Variants in ST6GALNAC5 observed in about 807,000 individuals in gnomAD.
ST6GALNAC5 encodes alpha-N-acetylgalactosaminide alpha-2,6-sialyltransferase 5.
Under a neutral mutation model 33.6 loss-of-function variants are expected in ST6GALNAC5, and 27 were observed. The observed-to-expected ratio is 0.80, with a 90% CI of 0.59 to 1.11. The LOEUF is 1.11. ST6GALNAC5 is among the 50% of genes least tolerant of loss of function. ST6GALNAC5 has a pLI of 0.00. For missense variants in ST6GALNAC5, 428 were observed against 454.0 expected (o/e 0.94, Z 0.52); for synonymous variants, 194 against 171.2 (o/e 1.13, Z -1.04).
chr1:76,968,631 A>C (rs1272106964), intron 2 of ST6GALNAC5, among the ~76,000 whole-genome samples: 1 of 152,142 alleles, frequency 6.6e-6, no homozygotes, highest in African/African-American at 2.4e-5. Context: ...TTATGATGTT[A>C]GCTGGTTATT....
chr1:76,868,238 C>T lies in ST6GALNAC5; in HGVS notation c.16-259C>T, dbSNP rs1041199338. The stretch of plus-strand genomic sequence containing the variant: ...GGCCCCGGCGCGCTCCCTCCCTCAG[C>T]CCGGGGCCGTACACCACCTGCCCTC... On this transcript the variant is annotated intron_variant, in intron 1 of 4. Coordinates refer to ENST00000477717, the MANE Select transcript of ST6GALNAC5 (RefSeq NM_030965.3). This position sits in a 1 kb window ranked among gnomAD's most constrained non-coding sequence, Gnocchi z 4.3. 3.4e-4 allele frequency among the ~76,000 whole-genome samples: 52 copies of T among 152,174 alleles called. No homozygotes were observed. Among genetic ancestry groups the T allele is most frequent in the African/African-American group, 1.2e-3 (50 of 41,550 alleles).
chr1:77,060,618 T>C (rs1652544319), intron 4 of ST6GALNAC5, among the ~76,000 whole-genome samples: 1 of 152,160 alleles, frequency 6.6e-6, no homozygotes, highest in Admixed American at 6.5e-5. Flanking sequence ...TAACTTATCT[T>C]GACACCTCTG....
At chr1:76,959,977 A>T (rs944569982) in intron 2 of ST6GALNAC5, among the ~76,000 whole-genome samples, 1 of 152,154 alleles carries the variant, frequency 6.6e-6, no homozygotes, top group Non-Finnish European at 1.5e-5. Flanking sequence ...CCTGAGCGGG[A>T]GTGGGTAGAA....
chr1:76,975,550 G>C lies in ST6GALNAC5; in HGVS notation c.262-68654G>C, dbSNP rs756780858. Among the ~76,000 whole-genome samples the C allele has an allele frequency of 1.8e-4, 27 of 152,144 alleles. 1 individual carries two copies. The highest frequency in any genetic ancestry group is 3.8e-4 in the Non-Finnish European group (26 of 68,028). On this transcript the variant is annotated intron_variant, in intron 2 of 4. Coordinates refer to ENST00000477717, the MANE Select transcript of ST6GALNAC5 (RefSeq NM_030965.3). ...GAGTTACTTTAATAGGTGGATATAT[G>C]TAAGTGGGATTAATATTGTATGTGA...
chr1:76,971,396 T>G (rs1309974097), intron 2 of ST6GALNAC5, among the ~76,000 whole-genome samples: 1 of 152,100 alleles, frequency 6.6e-6, no homozygotes, highest in South Asian at 2.1e-4. Context: ...CGTGGGATAT[T>G]GATTTCACGG....
chr1:77,019,604 T>C (rs866497925), intron 2 of ST6GALNAC5, among the ~76,000 whole-genome samples: 1 of 152,234 alleles, frequency 6.6e-6, no homozygotes, highest in African/African-American at 2.4e-5. Context: ...GAGGAACTTC[T>C]GCACAGAATT....
chr1:77,045,769 C>G (rs1424363492), intron 3 of ST6GALNAC5, among the ~76,000 whole-genome samples: 1 of 151,996 alleles, frequency 6.6e-6, no homozygotes. Flanking sequence ...GTCAGGAGAA[C>G]TAGGGGGTGG....
chr1:76,987,417 A>G (rs189714677), intron 2 of ST6GALNAC5, among the ~76,000 whole-genome samples: 56 of 152,306 alleles, frequency 3.7e-4, no homozygotes, highest in African/African-American at 1.3e-3. Flanking sequence ...TAGGTTGGCT[A>G]TATTCAAAAA....
chr1:76,935,195 A>G (rs977181450), intron 2 of ST6GALNAC5, among the ~76,000 whole-genome samples: 1 of 152,112 alleles, frequency 6.6e-6, no homozygotes, highest in African/African-American at 2.4e-5. Context: ...ACTACTATAA[A>G]TCCTTTTTTG....
At chr1:77,036,990 C>A (rs377531912) in intron 2 of ST6GALNAC5, among the ~76,000 whole-genome samples, 4 of 152,160 alleles carry the variant, frequency 2.6e-5, no homozygotes, top group South Asian at 4.1e-4. Flanking sequence ...TGAGGTAACA[C>A]GTGGAAAAGT....
rs1651233766 is a variant in ST6GALNAC5 at position 77,026,347 on chromosome 1, C to T, written c.262-17857C>T. Among the ~76,000 whole-genome samples the T allele has an allele frequency of 2.0e-5, 3 of 152,220 alleles. No individual in the cohort carries two copies. In the South Asian group the frequency reaches 6.2e-4, roughly 32 times the overall value. The stretch of plus-strand genomic sequence containing the variant: ...CTCTTTCTCACCTATCCTGCTGTCT[C>T]CATATAAGGGCACAGCACGGCCAAT... On this transcript the variant is annotated intron_variant, in intron 2 of 4. Transcript: ENST00000477717.
chr1:76,892,787 G>A (rs901376735), intron 2 of ST6GALNAC5, among the ~76,000 whole-genome samples: 15 of 152,148 alleles, frequency 9.9e-5, no homozygotes, highest in Non-Finnish European at 2.2e-4. Flanking sequence ...AAGCACACAT[G>A]GTAAGCTCAG....
At chr1:77,062,614 G>A (rs938450081) in intron 4 of ST6GALNAC5, among the ~76,000 whole-genome samples, 2 of 152,096 alleles carry the variant, frequency 1.3e-5, no homozygotes, top group South Asian at 2.1e-4. Flanking sequence ...GTGGGGAATG[G>A]GAATGACATA....
chr1:76,966,276 G>A (rs569560577), intron 2 of ST6GALNAC5, among the ~76,000 whole-genome samples: 5 of 152,124 alleles, frequency 3.3e-5, no homozygotes, highest in Middle Eastern at 3.4e-3. Context: ...CTTTTATTTC[G>A]TTGGGAAGTG....
chr1:76,955,416 G>A (rs569939180), intron 2 of ST6GALNAC5, among the ~76,000 whole-genome samples: 1 of 152,238 alleles, frequency 6.6e-6, no homozygotes, highest in East Asian at 1.9e-4. Context: ...AAAGGTGAGG[G>A]TAAATTCAGC....
At chr1:77,026,276 G>A (rs760987038) in intron 2 of ST6GALNAC5, among the ~76,000 whole-genome samples, 7 of 152,174 alleles carry the variant, frequency 4.6e-5, no homozygotes, top group Non-Finnish European at 8.8e-5. Flanking sequence ...CCCAGACCCT[G>A]TAAGCACTCT....
chr1:76,896,583 A>G (rs985986251), intron 2 of ST6GALNAC5, among the ~76,000 whole-genome samples: 1 of 152,038 alleles, frequency 6.6e-6, no homozygotes, highest in Admixed American at 6.6e-5. Context: ...AGAAGGAAAC[A>G]TGGGGAAATG....
intron 2 of ST6GALNAC5, among the ~76,000 whole-genome samples, chr1:76,890,943 G>A (rs889149816): frequency 6.6e-6 from 1 of 152,066 alleles, no homozygotes; most frequent in Admixed American, 6.5e-5. Context: ...ATAACATCAA[G>A]TCTTTCCAAA....
rs565853853 is a variant in ST6GALNAC5 at position 76,915,337 on chromosome 1, T to G, written c.261+46595T>G. On this transcript the variant is annotated intron_variant, in intron 2 of 4. Coordinates refer to ENST00000477717, the MANE Select transcript of ST6GALNAC5 (RefSeq NM_030965.3). ...ATACCATTTGACCCAGCCATCCCATTACTGGGTATATACCCAAAGGACTAT... is the reference window on the plus strand; with the variant it reads ...ATACCATTTGACCCAGCCATCCCATGACTGGGTATATACCCAAAGGACTAT... 5.3e-4 allele frequency among the ~76,000 whole-genome samples: 81 copies of G among 152,108 alleles called. 1 individual carries two copies. Among genetic ancestry groups the G allele is most frequent in the African/African-American group, 1.8e-3 (73 of 41,462 alleles).
Sources: gnomAD v4.1 joint callset for allele counts (sites outside exome capture counted in the v4.1 genomes callset) on GRCh38, gnomAD v4.1.1 for gene constraint, Gnocchi (gnomAD v3.1) non-coding constraint, MANE v1.5 for transcripts, NCBI Gene and HGNC (gene_info 2026-07-23, HGNC 2026-07-21) for gene names.